IGDCC3: variants seen among roughly 807,000 people sequenced by gnomAD.
IGDCC3 encodes immunoglobulin superfamily DCC subclass member 3, also known as putative neuronal cell adhesion molecule.
A neutral mutation model predicts 72.0 loss-of-function variants in IGDCC3; 47 were observed. The observed-to-expected ratio is 0.65, with a 90% CI of 0.52 to 0.83. The LOEUF is 0.83. IGDCC3 is among the 40% of genes least tolerant of loss of function. The probability of loss-of-function intolerance (pLI) is 0.00; values close to 1 mark genes in which losing one functional copy is unlikely to be tolerated. For missense variants in IGDCC3, 1,038 were observed against 1,091.3 expected, an observed-to-expected ratio of 0.95 and a Z score of 0.69; for synonymous variants, 477 against 472.8, an observed-to-expected ratio of 1.01 and a Z score of -0.11.
chr15:65,336,042 G>A, intron 2 of IGDCC3, 86 bp from the exon 3 acceptor site: 3 of 1,390,404 alleles, frequency 2.2e-6, no homozygotes, highest in Non-Finnish European at 3.0e-6. Flanking sequence ...CACAGGCACG[G>A]AGACCTGGAG....
rs144835129 is a variant in IGDCC3 at position 65,353,707 on chromosome 15, T to G, written c.410-17751A>C. ...ATGGCCACAGAGTGACCTCTGGTCA[T>G]CCTCACTACTACACTCCCACCAGCA... On this transcript the variant is annotated intron_variant, in intron 2 of 13. Transcript: ENST00000327987. Among the ~76,000 whole-genome samples, 1,152 of 152,176 alleles carry G rather than the reference T, an allele frequency of 7.6e-3. 6 individuals carry two copies. The highest frequency in any genetic ancestry group is 9.1e-3 in the Non-Finnish European group (618 of 68,006).
intron 2 of IGDCC3, chr15:65,355,962 C>T: frequency 3.6e-6 from 1 of 275,242 alleles, no homozygotes; most frequent in South Asian, 2.5e-5. Flanking sequence ...AGGAAATAGG[C>T]CCTTCACCTT....
intron 5 of IGDCC3, 59 bp downstream of exon 5, chr15:65,334,669 G>A (rs1433015698): frequency 6.3e-6 from 9 of 1,427,222 alleles, no homozygotes; most frequent in South Asian, 2.8e-5. Flanking sequence ...GTCTGAGACC[G>A]GCCCTCCCAG....
chr15:65,345,926 C>A (rs2091120845), intron 2 of IGDCC3, among the ~76,000 whole-genome samples: 1 of 152,170 alleles, frequency 6.6e-6, no homozygotes, highest in African/African-American at 2.4e-5. Context: ...TCTTTACCTT[C>A]ATCACAAAGC....
chr15:65,345,795 A>C (rs958568147), intron 2 of IGDCC3, among the ~76,000 whole-genome samples: 1 of 152,178 alleles, frequency 6.6e-6, no homozygotes, highest in Non-Finnish European at 1.5e-5. Flanking sequence ...TCTGAGAGGT[A>C]GGGATTACTA....
chr15:65,332,813 A>G (rs1387682034), intron 6 of IGDCC3, among the ~76,000 whole-genome samples: 16 of 152,222 alleles, frequency 1.1e-4, no homozygotes, highest in African/African-American at 3.4e-4. Flanking sequence ...GAGGGGAGGC[A>G]GCTCTGCCTG....
chr15:65,365,005 T>C (rs2091281708), intron 2 of IGDCC3, among the ~76,000 whole-genome samples: 1 of 152,164 alleles, frequency 6.6e-6, no homozygotes, highest in Admixed American at 6.6e-5. Context: ...AGGCCAGGGT[T>C]CAGAAGCCTG....
intron 4 of IGDCC3, 146 bp downstream of exon 4, chr15:65,335,145 C>G: frequency 2.2e-6 from 2 of 917,816 alleles, no homozygotes; most frequent in South Asian, 3.5e-5. Flanking sequence ...CCTGTGCACC[C>G]TCACGCCAGG....
chr15:65,360,829 A>G (rs1438389228), intron 2 of IGDCC3, among the ~76,000 whole-genome samples: 1 of 152,102 alleles, frequency 6.6e-6, no homozygotes, highest in Non-Finnish European at 1.5e-5. Flanking sequence ...AGGCTGGAGT[A>G]CAGTGGTGCA....
In IGDCC3 at chr15:65,375,131, CA is replaced by C; in HGVS notation, c.374del (p.Leu125ArgfsTer45). 2 of 1,613,836 alleles carry C rather than the reference CA, an allele frequency of 1.2e-6. No homozygotes were observed. Among genetic ancestry groups the C allele is most frequent in the Non-Finnish European group, 1.7e-6 (2 of 1,179,800 alleles). ...YECVAQNRFG[L>X]VVSRKARIQA... ...GGATGCGAGCCTTCCGGCTGACCACCAGCCCAAAGCGGTTCTGGGCCACACA... is the reference window on the plus strand; with the variant it reads ...GGATGCGAGCCTTCCGGCTGACCACCGCCCAAAGCGGTTCTGGGCCACACA... On this transcript the variant is annotated frameshift_variant, in exon 2 of 14. Transcript: ENST00000327987. LOFTEE classifies it high-confidence loss of function.
In IGDCC3 at chr15:65,345,946, C is replaced by T. The variant is rs147065623; in HGVS notation, c.410-9990G>A. Among the ~76,000 whole-genome samples, 139 of 152,260 alleles carry T rather than the reference C, an allele frequency of 9.1e-4. No homozygotes were observed. The East Asian group carries it at 0.014, about 16-fold the overall frequency. ...ACCTTCATCACAAAGCTGTCCTCAGCGGGGAAATACATATTCAAATGACCC... is the reference window on the plus strand; with the variant it reads ...ACCTTCATCACAAAGCTGTCCTCAGTGGGGAAATACATATTCAAATGACCC... On this transcript the variant is annotated intron_variant, in intron 2 of 13. Coordinates refer to ENST00000327987, the MANE Select transcript of IGDCC3 (RefSeq NM_004884.4).
chr15:65,330,862 G>A (rs1434230337), intron 9 of IGDCC3, 121 bp from the exon 10 acceptor site: 2 of 1,089,704 alleles, frequency 1.8e-6, no homozygotes, highest in African/African-American at 1.6e-5. Flanking sequence ...CCAAGGGCAT[G>A]TGCTTATGAA....
At chr15:65,347,807 T>C (rs1433110761) in intron 2 of IGDCC3, among the ~76,000 whole-genome samples, 1 of 152,150 alleles carries the variant, frequency 6.6e-6, no homozygotes. Flanking sequence ...GGCGTGTGCC[T>C]GTAATCCCAG....
Position 65,331,964 on chromosome 15 carries a change from G to A in IGDCC3, c.1125C>T (p.His375=), listed in dbSNP as rs140742878. The A allele has an allele frequency of 1.9e-5, 31 of 1,613,822 alleles. No homozygotes were observed. Among genetic ancestry groups the A allele is most frequent in the Non-Finnish European group, 2.3e-5 (27 of 1,180,016 alleles). The change falls in exon 7 of 14, where the codon CAC becomes CAT. Residue 375 remains histidine, a synonymous_variant. Transcript: ENST00000327987. ...KNGQVLGPGG[H]VRLKNNNSTL... is the part of the protein sequence containing the mutation. ...ACCTGTTGTTATTCTTGAGCCTGAC[G>A]TGGCCTCCTGGCCCCAGCACCTGTC...
At chr15:65,330,972 G>GA (rs1482538158) in intron 9 of IGDCC3, 78 bp downstream of exon 9, 5 of 1,527,044 alleles carry the variant, frequency 3.3e-6, no homozygotes, top group Non-Finnish European at 2.7e-6. Context: ...CGCACAACCA[G>GA]AACAAGTGTG....
At chr15:65,338,638 T>TCC (rs573062629) in intron 2 of IGDCC3, among the ~76,000 whole-genome samples, 2 of 152,134 alleles carry the variant, frequency 1.3e-5, no homozygotes, top group Non-Finnish European at 2.9e-5. Flanking sequence ...CCTCCTTCCC[T>TCC]CCCTTCCTTA....
intron 2 of IGDCC3, among the ~76,000 whole-genome samples, chr15:65,367,654 C>T (rs2091296273): frequency 6.6e-6 from 1 of 152,106 alleles, no homozygotes; most frequent in African/African-American, 2.4e-5. Flanking sequence ...CACCCAGTGT[C>T]CCAGGGCTTG....
intron 2 of IGDCC3, among the ~76,000 whole-genome samples, chr15:65,356,897 T>C (rs1332249052): frequency 1.4e-5 from 2 of 144,908 alleles, no homozygotes; most frequent in African/African-American, 5.2e-5. Context: ...TCTTCCAGGC[T>C]GCAGTGCAGT....
chr15:65,343,586 T>G (rs893863544), intron 2 of IGDCC3, among the ~76,000 whole-genome samples: 7 of 152,162 alleles, frequency 4.6e-5, no homozygotes, highest in African/African-American at 1.4e-4. Flanking sequence ...AACCCAGCCC[T>G]TTATTGGCCA....
Sources: allele counts gnomAD v4.1 joint callset (sites outside exome capture counted in the v4.1 genomes callset), GRCh38; gene constraint gnomAD v4.1.1; transcripts MANE v1.5; gene names NCBI Gene and HGNC (gene_info 2026-07-23, HGNC 2026-07-21).